Variants in GJE1 observed in about 807,000 individuals in gnomAD.
The protein encoded by GJE1 is gap junction epsilon-1 protein.
In GJE1, 9 loss-of-function variants were observed where a neutral mutation model predicts 6.2. The observed-to-expected ratio is 1.45, with a 90% CI of 0.87 to 2.52. The LOEUF (loss-of-function observed/expected upper bound fraction) is 2.52, where lower values mean the gene tolerates loss of function less well. Among genes scored for constraint, GJE1 ranks in the 30% most tolerant of loss-of-function variants. The pLI, the probability that GJE1 is intolerant of heterozygous loss-of-function variation, is 0.00. For missense variants in GJE1, 190 were observed against 87.7 expected, an observed-to-expected ratio of 2.17 and a Z score of -4.66; for synonymous variants, 65 against 30.1, an observed-to-expected ratio of 2.16 and a Z score of -3.80.
At chr6:142,133,036 T>C, upstream of GJE1, 1 of 491,766 alleles carries the variant, frequency 2.0e-6, no homozygotes, top group African/African-American at 1.9e-5. Flanking sequence ...AAATTTGTAG[T>C]GATGAGTGTT....
At chr6:142,134,917 C>A (rs1313011534) in exon 3 of GJE1, 2 of 554,964 alleles carry the variant, frequency 3.6e-6, no homozygotes, top group Non-Finnish European at 6.3e-6. Context: ...TCCATTCAGA[C>A]AATGACCAAA....
exon 2 of GJE1, chr6:142,133,896 G>A: frequency 1.4e-6 from 1 of 701,906 alleles, no homozygotes. Flanking sequence ...CTTTTCTTTG[G>A]ATCGATCCGA....
At chr6:142,134,499 G>T (rs1778210152) in intron 2 of GJE1, 40 bp from the exon 3 acceptor site, 4 of 477,432 alleles carry the variant, frequency 8.4e-6, no homozygotes, top group South Asian at 4.6e-5. Flanking sequence ...TTGATTAATT[G>T]ATTTACTAAG....
chr6:142,133,956 T>G, exon 2 of GJE1: 1 of 702,602 alleles, frequency 1.4e-6, no homozygotes, highest in South Asian at 1.5e-5. Context: ...AATGAGGCCT[T>G]GCACTTCATT....
chr6:142,134,156 A>G (rs1415557222), intron 2 of GJE1, 112 bp downstream of exon 2: 1 of 499,276 alleles, frequency 2.0e-6, no homozygotes, highest in African/African-American at 1.9e-5. Flanking sequence ...GGATTATGTT[A>G]CTTTTTCTTT....
chr6:142,134,147 G>T, intron 2 of GJE1, 103 bp downstream of exon 2: 1 of 498,622 alleles, frequency 2.0e-6, no homozygotes, highest in Non-Finnish European at 3.6e-6. Context: ...TGTTCCTAAG[G>T]ATTATGTTAC....
chr6:142,134,815 AT>A lies in GJE1; in HGVS notation c.516del (p.Leu173SerfsTer4), dbSNP rs1275940749. The A allele has an allele frequency of 3.1e-5, 21 of 671,370 alleles. No individual in the cohort carries two copies. The highest frequency in any genetic ancestry group is 1.1e-4 in the East Asian group (4 of 36,478). 41.6% of individuals were successfully genotyped at this position (671,370 alleles called of 1,614,324 possible). On this transcript the variant is annotated frameshift_variant, in exon 3 of 3. Coordinates refer to ENST00000450456, the Ensembl canonical transcript of GJE1. LOFTEE classifies it high-confidence loss of function. ...GGTTCCAGAACACTTTGAAAAAACCATTTTTCTCATTGCAATAAATACATTT... is the reference window on the plus strand; with the variant it reads ...GGTTCCAGAACACTTTGAAAAAACCATTTTCTCATTGCAATAAATACATTT...
exon 3 of GJE1, chr6:142,134,829 A>T (rs1245995663): frequency 1.5e-6 from 1 of 668,332 alleles, no homozygotes; most frequent in South Asian, 1.7e-5. Context: ...TTCTCATTGC[A>T]ATAAATACAT....
chr6:142,133,993 C>T (rs225607), exon 2 of GJE1: 301,227 of 701,786 alleles, frequency 0.43, 68,407 homozygotes, highest in Middle Eastern at 0.61. Flanking sequence ...GAGAAGTAAA[C>T]CTCTTCTGTT....
At position 142,133,197 on chromosome 6, in the gene GJE1, TGTAA is replaced by T. The variant is rs1778176787; in HGVS notation, c.39+4_39+7del. On this transcript the variant is annotated splice_donor_variant and splice_donor_region_variant and intron_variant, in intron 1 of 2. Transcript: ENST00000450456. LOFTEE classifies it high-confidence loss of function. ...ACATCAAAAACTTCTATGAAGGATGTGTAAGTATTATACAAACAAAAAATCAATT... is the reference window on the plus strand; with the variant it reads ...ACATCAAAAACTTCTATGAAGGATGTGTATTATACAAACAAAAAATCAATT... The T allele has an allele frequency of 1.5e-6, 1 of 683,926 alleles. No homozygotes were observed. The highest frequency in any genetic ancestry group is 2.7e-5 in the East Asian group (1 of 37,066). The allele number at this position is 683,926 out of a possible 1,614,324, so 42.4% of individuals were successfully genotyped here.
intron 2 of GJE1, 94 bp downstream of exon 2, chr6:142,134,138 G>A (rs1778203167): frequency 2.3e-5 from 12 of 511,952 alleles, no homozygotes; most frequent in Admixed American, 1.3e-4. Context: ...CAGGTTTTTT[G>A]TTCCTAAGGA....
chr6:142,133,662 T>C (rs1438487529), intron 1 of GJE1, among the ~76,000 whole-genome samples, 188 bp from the exon 2 acceptor site: 5 of 152,158 alleles, frequency 3.3e-5, no homozygotes, highest in Non-Finnish European at 7.4e-5. Context: ...AACTATTGCT[T>C]TTCATATTTT....
At chr6:142,132,991 C>A, upstream of GJE1, 1 of 434,410 alleles carries the variant, frequency 2.3e-6, no homozygotes, top group Non-Finnish European at 4.1e-6. Context: ...TTGAATGGGG[C>A]CCCAGAGATC....
chr6:142,134,030 C>A, exon 2 of GJE1: 1 of 684,770 alleles, frequency 1.5e-6, no homozygotes. Context: ...AATCACTCCA[C>A]AAGTAAGTTT....
intron 1 of GJE1, among the ~76,000 whole-genome samples, chr6:142,133,469 T>C (rs1405650906): frequency 6.6e-6 from 1 of 152,182 alleles, no homozygotes; most frequent in Non-Finnish European, 1.5e-5. Context: ...ATAAACATTA[T>C]TTGGTTGTTA....
intron 2 of GJE1, 140 bp downstream of exon 2, chr6:142,134,184 A>T (rs1778203956): frequency 2.1e-6 from 1 of 484,806 alleles, no homozygotes; most frequent in Admixed American, 3.6e-5. Flanking sequence ...TGTATATTTC[A>T]GATAAATTGA....
rs1253308836 is a variant in GJE1, at chr6:142,133,889, T to C, written c.79T>C (p.Phe27Leu). The C allele has an allele frequency of 5.7e-6, 4 of 701,954 alleles. No homozygotes were observed. The African/African-American group carries it at 7.0e-5, about 12-fold the overall frequency. 43.5% of individuals were successfully genotyped at this position (701,954 alleles called of 1,614,324 possible). The change falls in exon 2 of 3, where the codon TTC (phenylalanine) becomes CTC (leucine). Residue 27 changes from phenylalanine (F) to leucine (L), a missense_variant. By Grantham distance (22) the Phe-to-Leu change is conservative. Coordinates refer to ENST00000450456, the Ensembl canonical transcript of GJE1. ...TGTGATTGGTCAATTCCACACCCTT[T>C]TCTTTGGATCGATCCGAATATTCTT...
rs774291337 is a variant in GJE1 at position 142,134,030 on chromosome 6, CA to C, written c.222del (p.Val75Ter). ...CAATCAGTTCAGGCCAATCACTCCA[CA>C]AGTAAGTTTTTCTGTGTGCACATAA... On this transcript the variant is annotated frameshift_variant, in exon 2 of 3. Coordinates refer to ENST00000450456, the Ensembl canonical transcript of GJE1. LOFTEE classifies it high-confidence loss of function. 26 of 684,768 alleles carry C rather than the reference CA, an allele frequency of 3.8e-5. No individual in the cohort carries two copies. The African/African-American group carries it at 4.2e-4, about 11-fold the overall frequency. The allele number at this position is 684,768 out of a possible 1,614,324, so 42.4% of individuals were successfully genotyped here.
intron 1 of GJE1, among the ~76,000 whole-genome samples, chr6:142,133,582 A>G (rs1321059739): frequency 2.0e-5 from 3 of 152,114 alleles, no homozygotes; most frequent in Non-Finnish European, 4.4e-5. Context: ...AATGGTGGGG[A>G]TATTAATTGA....
Sources: allele counts gnomAD v4.1 joint callset (sites outside exome capture counted in the v4.1 genomes callset), GRCh38; gene constraint gnomAD v4.1.1; transcripts MANE v1.5; gene names NCBI Gene and HGNC (gene_info 2026-07-23, HGNC 2026-07-21).